The following KMT2D variants were observed in gnomAD, a reference collection of about 807,000 sequenced individuals.
The protein encoded by KMT2D is lysine methyltransferase 2D, also known as histone-lysine N-methyltransferase 2D.
A neutral mutation model predicts 512.7 loss-of-function variants in KMT2D; 55 were observed. The observed-to-expected ratio is 0.11, with a 90% confidence interval of 0.09 to 0.13. The LOEUF (loss-of-function observed/expected upper bound fraction) is 0.13. Ranked by LOEUF, KMT2D falls within the 10% of genes least tolerant of loss-of-function variation. The probability of loss-of-function intolerance (pLI) is 1.00; values close to 1 mark genes in which losing one functional copy is unlikely to be tolerated. For synonymous variants in KMT2D, 2,995 were observed against 2,904.0 expected (o/e 1.03, Z -1.01); for missense variants, 6,061 against 7,127.9 (o/e 0.85, Z 5.39).
Position 49,033,819 on chromosome 12 carries a change from G to C in KMT2D, c.10886C>G (p.Thr3629Ser). The C allele has an allele frequency of 1.3e-6, 2 of 1,586,594 alleles. No individual in the cohort carries two copies. Among genetic ancestry groups the C allele is most frequent in the South Asian group, 2.3e-5 (2 of 87,246 alleles). Residue 3629 changes from threonine to serine, a missense_variant, in exon 40 of 55, where the codon ACC (threonine) becomes AGC (serine). Coordinates refer to ENST00000301067, the MANE Select transcript of KMT2D (RefSeq NM_003482.4). ...AGGGAGCAGCTGACCAGGGAGCTTG[G>C]TGAGCAGCCGGGGACTCTGGGAAGG... ...LSPSQSPRLL[T>S]KLPGQLLPGH...
rs1232171967 is a variant in KMT2D, at chr12:49,043,431, A to G, written c.5468-3T>C. Reference sequence around the variant, plus strand: ...TGCAATATCTGGACCATCATCTCCTATGAGCAAGAGTCCCCCCTCCAATCA... The same window carrying G: ...TGCAATATCTGGACCATCATCTCCTGTGAGCAAGAGTCCCCCCTCCAATCA... On this transcript the variant is annotated splice_polypyrimidine_tract_variant and splice_region_variant and intron_variant, in intron 24 of 54. Coordinates refer to ENST00000301067, the MANE Select transcript of KMT2D (RefSeq NM_003482.4). 1.2e-6 allele frequency: 2 copies of G among 1,613,882 alleles called. No homozygotes were observed. Among genetic ancestry groups the G allele is most frequent in the African/African-American group, 2.7e-5 (2 of 75,016 alleles).
Position 49,043,429 on chromosome 12 carries a change from C to T in KMT2D, c.5468-1G>A, listed in dbSNP as rs759629535. ...TCTGCAATATCTGGACCATCATCTC[C>T]TATGAGCAAGAGTCCCCCCTCCAAT... On this transcript the variant is annotated splice_acceptor_variant, in intron 24 of 54. Coordinates refer to ENST00000301067, the MANE Select transcript of KMT2D (RefSeq NM_003482.4). LOFTEE classifies it high-confidence loss of function. 5.6e-6 allele frequency: 9 copies of T among 1,613,972 alleles called. No homozygotes were observed. The South Asian group carries it at 9.9e-5, about 18-fold the overall frequency.
At chr12:49,025,937 G>A (rs927104602) in intron 49 of KMT2D, among the ~76,000 whole-genome samples, 2 of 152,188 alleles carry the variant, frequency 1.3e-5, no homozygotes, top group Non-Finnish European at 2.9e-5. Context: ...ACTGGGGATA[G>A]CAACAGAACT....
At chr12:49,048,577 G>A (rs1393699023) in intron 14 of KMT2D, 82 bp downstream of exon 14, 1 of 858,730 alleles carries the variant, frequency 1.2e-6, no homozygotes, top group Non-Finnish European at 1.9e-6. Context: ...TATCCCCAAA[G>A]TAGGTCCAGT....
chr12:49,043,610 C>T (rs1360790217), intron 24 of KMT2D, 25 bp downstream of exon 24: 1 of 1,613,228 alleles, frequency 6.2e-7, no homozygotes, highest in Non-Finnish European at 8.5e-7. Flanking sequence ...GATTCTCTCA[C>T]ACCACTCACT....
rs967482995 is a variant in KMT2D at position 49,040,614 on chromosome 12, G to T, written c.7156C>A (p.Arg2386=). ...DPYAQPPLTP[R]PQPPPPESCC... is the part of the protein sequence containing the mutation. ...CTCTCAGGGGGCGGAGGTTGGGGCCGAGGAGTCAATGGGGGCTGAGCATAT... is the reference window on the plus strand; with the variant it reads ...CTCTCAGGGGGCGGAGGTTGGGGCCTAGGAGTCAATGGGGGCTGAGCATAT... The change falls in exon 32 of 55, where the codon CGG becomes AGG. Residue 2386 remains arginine, a synonymous_variant. Transcript: ENST00000301067. 1 of 1,613,532 alleles carries T rather than the reference G, an allele frequency of 6.2e-7. No individual in the cohort carries two copies. Among genetic ancestry groups the T allele is most frequent in the South Asian group, 1.1e-5 (1 of 91,072 alleles).
chr12:49,033,866 G>C lies in KMT2D; in HGVS notation c.10839C>G (p.His3613Gln), dbSNP rs778292723. 1.3e-6 allele frequency: 2 copies of C among 1,555,530 alleles called. No individual in the cohort carries two copies. Among genetic ancestry groups the C allele is most frequent in the African/African-American group, 2.7e-5 (2 of 73,226 alleles). ...QQQQQQQQQQ[H>Q]SAVLALSPSQ... ...AAGGGCTGAGAGCCAGCACAGCTGA[G>C]TGCTGTTGCTGTTGTTGCTGCTGCT... Residue 3613 changes from histidine (H) to glutamine (Q), a missense_variant, in exon 40 of 55, where the codon CAC becomes CAG. Coordinates refer to ENST00000301067, the MANE Select transcript of KMT2D (RefSeq NM_003482.4).
Position 49,022,500 on chromosome 12 carries a change from T to C in KMT2D, c.16338+90A>G, listed in dbSNP as rs1942378254. The C allele has an allele frequency of 6.5e-7, 1 of 1,541,648 alleles. No individual in the cohort carries two copies. Among genetic ancestry groups the C allele is most frequent in the Non-Finnish European group, 8.9e-7 (1 of 1,128,728 alleles). Reference sequence around the variant, plus strand: ...GCCTTTCCCTTCTCCCCACCACAGCTTTCCTCCTGCTCTCCTGTGACCAAT... The same window carrying C: ...GCCTTTCCCTTCTCCCCACCACAGCCTTCCTCCTGCTCTCCTGTGACCAAT... On this transcript the variant is annotated intron_variant, in intron 52 of 54. Coordinates refer to ENST00000301067, the MANE Select transcript of KMT2D (RefSeq NM_003482.4). This position sits in a 1 kb window ranked among gnomAD's most constrained non-coding sequence, Gnocchi z 8.6.
At position 49,037,805 on chromosome 12, in the gene KMT2D, G is replaced by A. The variant is rs1305161243; in HGVS notation, c.9551C>T (p.Ser3184Phe). Residue 3184 changes from serine (S) to phenylalanine (F), a missense_variant, in exon 35 of 55, where the codon TCC becomes TTC. Coordinates refer to ENST00000301067, the MANE Select transcript of KMT2D (RefSeq NM_003482.4). ...TGGTGGTCCTCCCGTGGCCCCAAAG[G>A]AGGCCTTCTCAGCTGTGTGCCCACT... ...SSSGHTAEKA[S>F]FGATGGPPAH... 9.4e-6 allele frequency: 15 copies of A among 1,597,332 alleles called. No homozygotes were observed. The highest frequency in any genetic ancestry group is 1.3e-5 in the Non-Finnish European group (15 of 1,171,796).
rs764424531 is a variant in KMT2D at position 49,022,217 on chromosome 12, G to A, written c.16412+63C>T. 63 of 1,599,254 alleles carry A rather than the reference G, an allele frequency of 3.9e-5. No individual in the cohort carries two copies. The highest frequency in any genetic ancestry group is 8.8e-5 in the South Asian group (8 of 90,712). On this transcript the variant is annotated intron_variant, in intron 53 of 54. Coordinates refer to ENST00000301067, the MANE Select transcript of KMT2D (RefSeq NM_003482.4). This position sits in a 1 kb window ranked among gnomAD's most constrained non-coding sequence, Gnocchi z 8.6. ...TTGGGACAATTTTGATTCCTTGTTC[G>A]TCTATCCCCCAGAGTGCCACTCTCA...
rs1232016510 is a variant in KMT2D, at chr12:49,041,490, C to T, written c.6280G>A (p.Ala2094Thr). 8 of 1,613,580 alleles carry T rather than the reference C, an allele frequency of 5.0e-6. No individual in the cohort carries two copies. The highest frequency in any genetic ancestry group is 6.8e-6 in the Non-Finnish European group (8 of 1,179,670). ...INKQTKVGDI[A>T]RKTDRPALHL... is the part of the protein sequence containing the mutation. ...AGGGCCGGTCGGTCAGTCTTACGGG[C>T]TATGTCGCCCACCTTGGTCTGCTTG... The change falls in exon 32 of 55, where the codon GCC becomes ACC. Residue 2094 changes from alanine to threonine, a missense_variant. Physicochemically the swap from Ala to Thr is moderately conservative, Grantham distance 58 (BLOSUM62 0). Coordinates refer to ENST00000301067, the MANE Select transcript of KMT2D (RefSeq NM_003482.4). The surrounding 1 kb of genome is among the most constrained non-coding windows in gnomAD (Gnocchi z 5.4).
rs1396216756 is a variant in KMT2D at position 49,028,062 on chromosome 12, T to C, written c.14462A>G (p.Glu4821Gly). ...CTCAGTGCCTGCCCGGGCGGGGCTC[T>C]CTGGGAACAGCACCTCATAGGAGTT... The part of the protein sequence containing the change: ...IPNSYEVLFP[E>G]SPARAGTEPK... Residue 4821 changes from glutamate (E) to glycine (G), a missense_variant, in exon 47 of 55, where the codon GAG becomes GGG. Glu to Gly is a moderately conservative substitution (Grantham distance 98). Coordinates refer to ENST00000301067, the MANE Select transcript of KMT2D (RefSeq NM_003482.4). 8.7e-6 allele frequency: 14 copies of C among 1,613,888 alleles called. No homozygotes were observed. The highest frequency in any genetic ancestry group is 1.2e-5 in the Non-Finnish European group (14 of 1,179,896).
intron 1 of KMT2D, among the ~76,000 whole-genome samples, chr12:49,056,059 G>T (rs1245314632): frequency 6.6e-6 from 1 of 152,218 alleles, no homozygotes; most frequent in African/African-American, 2.4e-5. Flanking sequence ...AAGGTCTCAG[G>T]TCATTGCCCT....
At position 49,044,897 on chromosome 12, in the gene KMT2D, T is replaced by C. The variant is rs1943716640; in HGVS notation, c.4810A>G (p.Thr1604Ala). ...ETGMALLRNL[T>A]MSPLHKRRQR... ...CGCCGCTTGTGCAGTGGTGACATGG[T>C]CAGGTTACGCAGCAAGGCCATGCCA... Residue 1604 changes from threonine to alanine, a missense_variant, in exon 20 of 55, where the codon ACC becomes GCC. By Grantham distance (58) the Thr-to-Ala change is moderately conservative. Transcript: ENST00000301067. This position sits in a 1 kb window ranked among gnomAD's most constrained non-coding sequence, Gnocchi z 6.4. 1.2e-6 allele frequency: 2 copies of C among 1,614,012 alleles called. No homozygotes were observed. The highest frequency in any genetic ancestry group is 3.3e-5 in the Admixed American group (2 of 60,022).
intron 37 of KMT2D, 32 bp downstream of exon 37, chr12:49,034,550 A>T: frequency 6.2e-7 from 1 of 1,612,416 alleles, no homozygotes; most frequent in Non-Finnish European, 8.5e-7. Flanking sequence ...GTGGCATAAG[A>T]CACAAGTTCC....
chr12:49,055,132 T>C, intron 2 of KMT2D, 106 bp from the exon 3 acceptor site: 1 of 1,560,658 alleles, frequency 6.4e-7, no homozygotes, highest in Non-Finnish European at 8.8e-7. Context: ...ATCAGAGTGA[T>C]GATATTTCAA....
chr12:49,050,906 G>A lies in KMT2D; in HGVS notation c.2777C>T (p.Ser926Leu), dbSNP rs200825022. ...CTTACCTGGTGGCATCAGCTGAGGC[G>A]ACAAGGATGGCTCCCCAGATGGGGA... The part of the protein sequence containing the change: ...PLSPSGEPSL[S>L]PQLMPPDPLP... The change falls in exon 11 of 55, where the codon TCG becomes TTG. Residue 926 changes from serine to leucine, a missense_variant. Coordinates refer to ENST00000301067, the MANE Select transcript of KMT2D (RefSeq NM_003482.4). The A allele has an allele frequency of 1.2e-5, 19 of 1,535,908 alleles. No individual in the cohort carries two copies. Among genetic ancestry groups the A allele is most frequent in the African/African-American group, 1.1e-4 (8 of 72,500 alleles).
intron 51 of KMT2D, among the ~76,000 whole-genome samples, chr12:49,023,162 G>A (rs1205792153): frequency 1.3e-5 from 2 of 152,070 alleles, no homozygotes; most frequent in Admixed American, 6.5e-5. Context: ...CCCCTACACT[G>A]AGCCTGTTCT....
At chr12:49,049,291 AG>A in intron 12 of KMT2D, 73 bp from the exon 13 acceptor site, 1 of 959,014 alleles carries the variant, frequency 1.0e-6, no homozygotes, top group African/African-American at 1.6e-5. Flanking sequence ...CTTGAACAGA[AG>A]AAGTGACAAA....
Sources: allele counts gnomAD v4.1 joint callset (sites outside exome capture counted in the v4.1 genomes callset), GRCh38; gene constraint gnomAD v4.1.1; non-coding constraint Gnocchi (gnomAD v3.1); transcripts MANE v1.5; gene names NCBI Gene and HGNC (gene_info 2026-07-23, HGNC 2026-07-21).